The following MYLK variants were observed in gnomAD, a reference collection of about 807,000 sequenced individuals.
MYLK encodes myosin light chain kinase, smooth muscle.
MYLK carries 106 observed loss-of-function variants against 203.4 expected under a neutral mutation model. The observed-to-expected ratio is 0.52, with a 90% CI of 0.45 to 0.61. The LOEUF is 0.61. Ranked by LOEUF, MYLK falls within the 20% of genes least tolerant of loss-of-function variation. The pLI is 0.00. For synonymous variants in MYLK, 867 were observed against 959.5 expected (o/e 0.90, Z 1.78); for missense variants, 2,072 against 2,442.3 (o/e 0.85, Z 3.20).
At chr3:123,650,580 A>G (rs1361167522) in intron 24 of MYLK, among the ~76,000 whole-genome samples, 2 of 152,178 alleles carry the variant, frequency 1.3e-5, no homozygotes, top group African/African-American at 4.8e-5. Flanking sequence ...ATTGGAAAGT[A>G]TATTTTATCA....
intron 3 of MYLK, among the ~76,000 whole-genome samples, chr3:123,815,019 C>T (rs2065699514): frequency 6.6e-6 from 1 of 152,126 alleles, no homozygotes; most frequent in African/African-American, 2.4e-5. Flanking sequence ...TCTTGAACTC[C>T]TGACCTCAGG....
At chr3:123,657,500 G>A in intron 23 of MYLK, 72 bp from the exon 24 acceptor site, 1 of 1,500,260 alleles carries the variant, frequency 6.7e-7, no homozygotes, top group South Asian at 1.2e-5. Flanking sequence ...TGAATTACCT[G>A]TGTCATGGGG....
At chr3:123,765,302 A>T (rs2063666288) in intron 4 of MYLK, among the ~76,000 whole-genome samples, 1 of 152,112 alleles carries the variant, frequency 6.6e-6, no homozygotes, top group African/African-American at 2.4e-5. Flanking sequence ...AGGCTGAGGC[A>T]GGTGGATCAC....
chr3:123,804,914 A>G (rs1287003668), intron 3 of MYLK, among the ~76,000 whole-genome samples: 8 of 152,142 alleles, frequency 5.3e-5, no homozygotes, highest in Non-Finnish European at 1.2e-4. Flanking sequence ...AGCCTAAGCC[A>G]TTCAGCTGGA....
intron 19 of MYLK, among the ~76,000 whole-genome samples, chr3:123,687,587 TCTTCCTTC>T (rs761614652): frequency 1.3e-5 from 2 of 148,676 alleles, no homozygotes; most frequent in South Asian, 2.2e-4. Context: ...TTCCTTCCTT[TCTTCCTTC>T]CTTCCTTCCT....
At chr3:123,785,151 A>G (rs992965336) in intron 4 of MYLK, among the ~76,000 whole-genome samples, 1 of 152,252 alleles carries the variant, frequency 6.6e-6, no homozygotes, top group Non-Finnish European at 1.5e-5. Flanking sequence ...ATGTCCTTCA[A>G]TGCAATGCCA....
At chr3:123,746,024 A>G (rs1043849321) in intron 5 of MYLK, among the ~76,000 whole-genome samples, 12 of 151,780 alleles carry the variant, frequency 7.9e-5, no homozygotes, top group African/African-American at 2.9e-4. Flanking sequence ...CATATGGCTA[A>G]TTTTTATGTT....
intron 2 of MYLK, among the ~76,000 whole-genome samples, chr3:123,849,791 C>T (rs986826108): frequency 2.0e-5 from 3 of 151,896 alleles, no homozygotes; most frequent in Non-Finnish European, 4.4e-5. Flanking sequence ...ATGTGCACAA[C>T]GTGCAGGTTC....
intron 3 of MYLK, among the ~76,000 whole-genome samples, chr3:123,802,157 C>T (rs4678061): frequency 0.38 from 58,415 of 152,108 alleles, 11,802 homozygotes; most frequent in East Asian, 0.56. Context: ...CATGATAGTT[C>T]TGATTTGCAT....
chr3:123,755,451 T>C (rs1195859284), intron 4 of MYLK, among the ~76,000 whole-genome samples: 2 of 152,240 alleles, frequency 1.3e-5, no homozygotes, highest in Non-Finnish European at 2.9e-5. Flanking sequence ...GAAAATATGC[T>C]GAAACTGGCA....
chr3:123,871,431 G>A (rs1481260022), intron 2 of MYLK, among the ~76,000 whole-genome samples: 1 of 152,128 alleles, frequency 6.6e-6, no homozygotes, highest in African/African-American at 2.4e-5. Context: ...CTGCTAGCCA[G>A]ATTGACCAAG....
rs369455256 is a variant in MYLK, at chr3:123,625,794, G to A, written c.5238+1024C>T. On this transcript the variant is annotated intron_variant, in intron 31 of 33. Transcript: ENST00000360304. ...TGTACTCCAGCCTGGGCAACAGAGC[G>A]AGACTCCATCTCAAAAAAAAAAAAA... Among the ~76,000 whole-genome samples, 19 of 141,166 alleles carry A rather than the reference G, an allele frequency of 1.3e-4. No individual in the cohort carries two copies. In the South Asian group the frequency reaches 1.8e-3, roughly 13 times the overall value. 92.6% of individuals were successfully genotyped at this position (141,166 alleles called of 152,430 possible). A position where few individuals can be genotyped will look rare whatever the true frequency, so the allele number is the denominator to read the frequency against.
chr3:123,806,945 G>A (rs570924867), intron 3 of MYLK, among the ~76,000 whole-genome samples: 3 of 152,064 alleles, frequency 2.0e-5, no homozygotes, highest in South Asian at 4.2e-4. Context: ...GATTACAGGC[G>A]TGAACCACCG....
intron 20 of MYLK, 151 bp from the exon 21 acceptor site, chr3:123,667,338 A>C (rs1157658878): frequency 6.2e-6 from 5 of 803,136 alleles, no homozygotes; most frequent in African/African-American, 5.1e-5. Flanking sequence ...ACGGTGGCTC[A>C]CACCTGTAAT....
chr3:123,807,662 T>G (rs575659310), intron 3 of MYLK, among the ~76,000 whole-genome samples: 1 of 152,320 alleles, frequency 6.6e-6, no homozygotes, highest in East Asian at 1.9e-4. Flanking sequence ...GAAGAGACCA[T>G]GCATACTGGC....
At chr3:123,710,696 T>C (rs1191406875) in intron 13 of MYLK, among the ~76,000 whole-genome samples, 1 of 152,190 alleles carries the variant, frequency 6.6e-6, no homozygotes, top group Non-Finnish European at 1.5e-5. Flanking sequence ...ATACTTCCCT[T>C]AGGATCTAGT....
At chr3:123,843,665 G>GT (rs1577109433) in intron 2 of MYLK, among the ~76,000 whole-genome samples, 1 of 152,066 alleles carries the variant, frequency 6.6e-6, no homozygotes, top group Non-Finnish European at 1.5e-5. Context: ...TCCAAAGGCC[G>GT]TATCAGTCCA....
At chr3:123,655,829 AT>A (rs1167987497) in intron 24 of MYLK, among the ~76,000 whole-genome samples, 15 of 152,366 alleles carry the variant, frequency 9.8e-5, no homozygotes, top group Admixed American at 2.6e-4. Flanking sequence ...ATTGGATGAA[AT>A]GATGCATATA....
intron 2 of MYLK, among the ~76,000 whole-genome samples, chr3:123,872,974 G>T (rs2032901683): frequency 6.6e-6 from 1 of 151,994 alleles, no homozygotes; most frequent in Admixed American, 6.6e-5. Flanking sequence ...CTATATAGGG[G>T]CTCACCAAGT....
Sources: allele counts gnomAD v4.1 joint callset (sites outside exome capture counted in the v4.1 genomes callset), GRCh38; gene constraint gnomAD v4.1.1; transcripts MANE v1.5; gene names NCBI Gene and HGNC (gene_info 2026-07-23, HGNC 2026-07-21).